The following ROBO1 variants were observed in gnomAD, a reference collection of about 807,000 sequenced individuals.
The protein encoded by ROBO1 is roundabout guidance receptor 1, also known as roundabout homolog 1.
In ROBO1, 149 loss-of-function variants were observed where a neutral mutation model predicts 195.9. The ratio of observed to expected loss-of-function variants is 0.76; its 90% CI spans 0.67 to 0.87. ROBO1 has a LOEUF of 0.87. ROBO1 is among the 40% of genes least tolerant of loss of function. The probability of loss-of-function intolerance (pLI) is 0.00; values close to 1 mark genes in which losing one functional copy is unlikely to be tolerated. For missense variants in ROBO1, 1,933 were observed against 2,068.3 expected (o/e 0.93, Z 1.27); for synonymous variants, 816 against 733.2 (o/e 1.11, Z -1.82).
intron 4 of ROBO1, among the ~76,000 whole-genome samples, chr3:78,843,074 T>A (rs1308487368): frequency 6.6e-6 from 1 of 152,160 alleles, no homozygotes; most frequent in Admixed American, 6.6e-5. Flanking sequence ...AACATGCTAC[T>A]ATTTATATGA....
chr3:78,999,502 T>C (rs2077447937), intron 3 of ROBO1, among the ~76,000 whole-genome samples: 1 of 151,940 alleles, frequency 6.6e-6, no homozygotes. Flanking sequence ...TGGGTACTCA[T>C]GGACATAAAG....
intron 8 of ROBO1, among the ~76,000 whole-genome samples, chr3:78,711,368 T>C (rs2081710114): frequency 1.7e-5 from 1 of 59,864 alleles, no homozygotes. Context: ...CCTTCCTTCC[T>C]TCCTTCCTTC....
intron 4 of ROBO1, among the ~76,000 whole-genome samples, chr3:78,779,196 GC>G (rs2083596383): frequency 6.6e-6 from 1 of 152,140 alleles, no homozygotes; most frequent in African/African-American, 2.4e-5. Context: ...ATAGGCATGA[GC>G]AAAGACTTCA....
intron 4 of ROBO1, among the ~76,000 whole-genome samples, chr3:78,851,681 A>C (rs1331671188): frequency 6.6e-6 from 1 of 152,216 alleles, no homozygotes; most frequent in African/African-American, 2.4e-5. Flanking sequence ...AATTTTATTA[A>C]ATTGTACATC....
chr3:79,228,093 C>T (rs766271363), intron 2 of ROBO1, among the ~76,000 whole-genome samples: 1 of 151,958 alleles, frequency 6.6e-6, no homozygotes, highest in Non-Finnish European at 1.5e-5. Flanking sequence ...TTAACACAAG[C>T]CTCTCAACTA....
chr3:78,623,759 G>A (rs922220418), intron 26 of ROBO1, among the ~76,000 whole-genome samples: 3 of 152,150 alleles, frequency 2.0e-5, no homozygotes, highest in Non-Finnish European at 4.4e-5. Flanking sequence ...CTGGAGATAT[G>A]TGTATCACTC....
At chr3:79,263,420 A>G (rs1269807396) in intron 2 of ROBO1, among the ~76,000 whole-genome samples, 1 of 152,070 alleles carries the variant, frequency 6.6e-6, no homozygotes, top group Non-Finnish European at 1.5e-5. Context: ...AGTCCAAGGC[A>G]GGAAAACAGC....
At chr3:78,861,089 C>T (rs2034808483) in intron 4 of ROBO1, among the ~76,000 whole-genome samples, 1 of 152,090 alleles carries the variant, frequency 6.6e-6, no homozygotes, top group South Asian at 2.1e-4. Context: ...GCCTGAAACT[C>T]TTTCAATTTC....
At chr3:78,640,220 T>A (rs928774658) in intron 21 of ROBO1, among the ~76,000 whole-genome samples, 2 of 152,174 alleles carry the variant, frequency 1.3e-5, no homozygotes, top group African/African-American at 4.8e-5. Flanking sequence ...TATTTTTGAG[T>A]CTTTTAGTGG....
chr3:78,993,653 A>T (rs2077288427), intron 3 of ROBO1, among the ~76,000 whole-genome samples: 1 of 152,092 alleles, frequency 6.6e-6, no homozygotes, highest in Admixed American at 6.6e-5. Flanking sequence ...AACGTGAATC[A>T]CACCAGATCG....
chr3:78,926,729 T>C (rs1351131097), intron 4 of ROBO1, among the ~76,000 whole-genome samples: 2 of 152,148 alleles, frequency 1.3e-5, no homozygotes, highest in Non-Finnish European at 2.9e-5. Flanking sequence ...GGTGTGGTCT[T>C]CAGGGTAAGT....
At chr3:78,623,996 C>T (rs1356687036) in intron 26 of ROBO1, among the ~76,000 whole-genome samples, 2 of 152,000 alleles carry the variant, frequency 1.3e-5, no homozygotes, top group Non-Finnish European at 2.9e-5. Flanking sequence ...ATGGAAATCA[C>T]AACATTGTAT....
intron 3 of ROBO1, among the ~76,000 whole-genome samples, chr3:78,997,515 C>T (rs746628895): frequency 1.3e-5 from 2 of 152,076 alleles, no homozygotes; most frequent in Non-Finnish European, 2.9e-5. Context: ...TCAATCAATG[C>T]ACTCAGATTG....
chr3:79,662,335 C>T (rs781511684), intron 1 of ROBO1, among the ~76,000 whole-genome samples: 7 of 152,104 alleles, frequency 4.6e-5, no homozygotes, highest in Non-Finnish European at 8.8e-5. Context: ...AAATGTTCTA[C>T]ATTATAGATA....
intron 2 of ROBO1, among the ~76,000 whole-genome samples, chr3:79,350,637 A>G (rs1372657158): frequency 6.6e-6 from 1 of 152,216 alleles, no homozygotes; most frequent in African/African-American, 2.4e-5. Flanking sequence ...GCTACATGCT[A>G]CAACATGTAT....
At chr3:79,698,170 G>A (rs1947502602) in intron 1 of ROBO1, among the ~76,000 whole-genome samples, 1 of 151,374 alleles carries the variant, frequency 6.6e-6, no homozygotes, top group Non-Finnish European at 1.5e-5. Context: ...GACTGATGTG[G>A]CACAAAATAT....
intron 4 of ROBO1, among the ~76,000 whole-genome samples, chr3:78,888,134 C>T (rs77774728): frequency 0.029 from 4,403 of 152,262 alleles, 202 homozygotes; most frequent in African/African-American, 0.099. Context: ...CAGAGGAATT[C>T]ATTCCTGTTA....
chr3:78,656,213 G>C (rs1707002539), intron 18 of ROBO1, among the ~76,000 whole-genome samples: 5 of 151,446 alleles, frequency 3.3e-5, no homozygotes, highest in Admixed American at 3.3e-4. Context: ...AATACTCTTT[G>C]ACATCTCAAT....
intron 2 of ROBO1, among the ~76,000 whole-genome samples, chr3:79,565,681 AG>A (rs1943066478): frequency 1.3e-5 from 2 of 152,184 alleles, no homozygotes; most frequent in South Asian, 2.1e-4. Context: ...TAAGTCCTGA[AG>A]GGCTGACCAA....
Sources: allele counts gnomAD v4.1 joint callset (sites outside exome capture counted in the v4.1 genomes callset), GRCh38; gene constraint gnomAD v4.1.1; transcripts MANE v1.5; gene names NCBI Gene and HGNC (gene_info 2026-07-23, HGNC 2026-07-21).